ATP8A2: variants seen among roughly 807,000 people sequenced by gnomAD.
ATP8A2 encodes the protein ATPase phospholipid transporting 8A2, also known as phospholipid-transporting ATPase IB.
Under a neutral mutation model 165.6 loss-of-function variants are expected in ATP8A2, and 100 were observed. The ratio of observed to expected loss-of-function variants is 0.60; its 90% CI spans 0.51 to 0.71. ATP8A2 has a LOEUF of 0.71. ATP8A2 is among the 30% of genes least tolerant of loss of function. ATP8A2 has a pLI of 0.00. For synonymous variants in ATP8A2, 543 were observed against 548.8 expected (o/e 0.99, Z 0.15); for missense variants, 1,227 against 1,479.5 (o/e 0.83, Z 2.80).
chr13:25,835,900 A>T (rs933338981), intron 28 of ATP8A2, among the ~76,000 whole-genome samples: 1 of 152,190 alleles, frequency 6.6e-6, no homozygotes, highest in Non-Finnish European at 1.5e-5. Context: ...CAATTTAAAG[A>T]TCGAATTGGC....
intron 2 of ATP8A2, among the ~76,000 whole-genome samples, chr13:25,508,507 C>T (rs2037121642): frequency 6.6e-6 from 1 of 152,134 alleles, no homozygotes; most frequent in Non-Finnish European, 1.5e-5. Flanking sequence ...TAGAATTATA[C>T]AATTGACTTG....
chr13:25,507,267 T>G (rs61948583), intron 2 of ATP8A2, among the ~76,000 whole-genome samples: 3 of 126,290 alleles, frequency 2.4e-5, no homozygotes, highest in African/African-American at 6.4e-5. Flanking sequence ...GTGTGTGTAT[T>G]TTGTTGTTGT....
chr13:25,986,444 G>A (rs573448464), intron 35 of ATP8A2, among the ~76,000 whole-genome samples: 47 of 152,298 alleles, frequency 3.1e-4, no homozygotes, highest in African/African-American at 1.1e-3. Context: ...TCACATACAA[G>A]TCAGATCATG....
At chr13:25,631,951 T>C (rs36114609) in intron 24 of ATP8A2, among the ~76,000 whole-genome samples, 62,143 of 151,880 alleles carry the variant, frequency 0.41, 13,952 homozygotes, top group Middle Eastern at 0.56. Context: ...TGGAGTTGGA[T>C]CCCACAGATT....
chr13:25,648,688 A>C (rs1487505849), intron 24 of ATP8A2, among the ~76,000 whole-genome samples: 1 of 152,140 alleles, frequency 6.6e-6, no homozygotes, highest in Non-Finnish European at 1.5e-5. Flanking sequence ...CAAAACAAAA[A>C]TGGAATAGTT....
At chr13:25,570,077 A>G (rs2039421929) in intron 16 of ATP8A2, among the ~76,000 whole-genome samples, 1 of 152,198 alleles carries the variant, frequency 6.6e-6, no homozygotes, top group Admixed American at 6.5e-5. Flanking sequence ...CAGAGAGAAT[A>G]AGAGAATTTT....
At chr13:25,729,268 C>T (rs1245626295) in intron 25 of ATP8A2, among the ~76,000 whole-genome samples, 2 of 152,222 alleles carry the variant, frequency 1.3e-5, no homozygotes, top group East Asian at 3.9e-4. Context: ...AATACACAAT[C>T]AAGATAACCT....
chr13:25,532,234 T>A, intron 4 of ATP8A2, 38 bp from the exon 5 acceptor site: 1 of 1,547,010 alleles, frequency 6.5e-7, no homozygotes, highest in East Asian at 2.3e-5. Flanking sequence ...CATGTGGAAC[T>A]TTTGAATGTT....
At chr13:25,627,747 A>G (rs965668340) in intron 24 of ATP8A2, among the ~76,000 whole-genome samples, 5 of 152,082 alleles carry the variant, frequency 3.3e-5, no homozygotes, top group African/African-American at 1.2e-4. Flanking sequence ...AACTGAAAGT[A>G]TTGTCATTAA....
intron 2 of ATP8A2, among the ~76,000 whole-genome samples, chr13:25,504,059 A>G (rs2036944332): frequency 6.6e-6 from 1 of 152,240 alleles, no homozygotes; most frequent in African/African-American, 2.4e-5. Context: ...TATGCAATGC[A>G]CTGGAGAGCA....
At chr13:25,739,441 G>T (rs1246431362) in intron 25 of ATP8A2, among the ~76,000 whole-genome samples, 1 of 152,238 alleles carries the variant, frequency 6.6e-6, no homozygotes, top group East Asian at 1.9e-4. Context: ...ACTTGCTTAT[G>T]TATAACTAAG....
chr13:25,857,811 T>A (rs1952216493), intron 30 of ATP8A2, among the ~76,000 whole-genome samples: 1 of 152,102 alleles, frequency 6.6e-6, no homozygotes. Flanking sequence ...CCTCAGGTGA[T>A]CCACCCACCT....
intron 1 of ATP8A2, among the ~76,000 whole-genome samples, chr13:25,382,968 G>C (rs1377221933): frequency 6.6e-6 from 1 of 151,382 alleles, no homozygotes; most frequent in Non-Finnish European, 1.5e-5. Context: ...TGTTAGCCAG[G>C]ATGGTCTCCA....
intron 27 of ATP8A2, among the ~76,000 whole-genome samples, chr13:25,799,490 A>T (rs1447382822): frequency 2.6e-5 from 4 of 152,208 alleles, no homozygotes; most frequent in Non-Finnish European, 4.4e-5. Flanking sequence ...CTGAGTCTAA[A>T]CACATGCAGC....
chr13:25,813,024 T>C (rs550841515), intron 27 of ATP8A2, among the ~76,000 whole-genome samples: 3 of 151,700 alleles, frequency 2.0e-5, no homozygotes, highest in East Asian at 1.9e-4. Flanking sequence ...TGTGAACACA[T>C]AGACACAGGG....
chr13:25,575,727 G>A (rs866804972), intron 19 of ATP8A2, among the ~76,000 whole-genome samples: 1 of 152,106 alleles, frequency 6.6e-6, no homozygotes, highest in Non-Finnish European at 1.5e-5. Flanking sequence ...GGCTGATTAC[G>A]GTGGTGGCTC....
intron 24 of ATP8A2, among the ~76,000 whole-genome samples, chr13:25,624,342 G>T (rs9553633): frequency 6.6e-6 from 1 of 152,134 alleles, no homozygotes; most frequent in Non-Finnish European, 1.5e-5. Context: ...AAATACAGAA[G>T]AGGAAAAGGA....
chr13:25,913,449 C>CT (rs1286783581), intron 33 of ATP8A2, among the ~76,000 whole-genome samples: 3 of 152,114 alleles, frequency 2.0e-5, no homozygotes, highest in Non-Finnish European at 4.4e-5. Flanking sequence ...CTATAATATA[C>CT]TTTTTTCTAG....
At chr13:25,780,564 T>C (rs544608879) in intron 27 of ATP8A2, among the ~76,000 whole-genome samples, 1 of 152,262 alleles carries the variant, frequency 6.6e-6, no homozygotes, top group East Asian at 1.9e-4. Context: ...AATTTGTCAA[T>C]ATCTGACAAG....
Sources: gnomAD v4.1 joint callset for allele counts (sites outside exome capture counted in the v4.1 genomes callset) on GRCh38, gnomAD v4.1.1 for gene constraint, MANE v1.5 for transcripts, NCBI Gene and HGNC (gene_info 2026-07-23, HGNC 2026-07-21) for gene names.